CLEC16A: variants seen among roughly 807,000 people sequenced by gnomAD.
CLEC16A encodes the protein protein CLEC16A.
Under a neutral mutation model 109.5 loss-of-function variants are expected in CLEC16A, and 51 were observed. The observed-to-expected ratio is 0.47, with a 90% confidence interval of 0.37 to 0.59. The LOEUF is 0.59. Ranked by LOEUF, CLEC16A falls within the 20% of genes least tolerant of loss-of-function variation. The pLI, the probability that CLEC16A is intolerant of heterozygous loss-of-function variation, is 0.00. For missense variants in CLEC16A, 1,339 were observed against 1,394.0 expected, an observed-to-expected ratio of 0.96 and a Z score of 0.63; for synonymous variants, 673 against 564.2, an observed-to-expected ratio of 1.19 and a Z score of -2.73.
intron 2 of CLEC16A, among the ~76,000 whole-genome samples, chr16:10,960,722 A>G (rs1369202216): frequency 6.6e-6 from 1 of 152,226 alleles, no homozygotes; most frequent in Non-Finnish European, 1.5e-5. Context: ...ATTCTTCTGC[A>G]TGGAAGATTC....
chr16:11,026,567 G>T (rs1226107536), intron 13 of CLEC16A, among the ~76,000 whole-genome samples: 1 of 150,334 alleles, frequency 6.7e-6, no homozygotes, highest in African/African-American at 2.5e-5. Context: ...TTGGCTAGAG[G>T]ATTATTAATT....
chr16:11,145,442 C>T (rs1005334073), intron 22 of CLEC16A, among the ~76,000 whole-genome samples: 10 of 152,270 alleles, frequency 6.6e-5, no homozygotes, highest in African/African-American at 2.4e-4. Context: ...TCCAGTCCCT[C>T]CCCAAGCCTG....
intron 22 of CLEC16A, among the ~76,000 whole-genome samples, chr16:11,141,518 G>C (rs1207582073): frequency 6.6e-6 from 1 of 152,250 alleles, no homozygotes; most frequent in Non-Finnish European, 1.5e-5. Flanking sequence ...GGGGGATCTG[G>C]AGGGGTGCAA....
chr16:11,063,052 T>C (rs978469635), intron 19 of CLEC16A, among the ~76,000 whole-genome samples: 1 of 152,202 alleles, frequency 6.6e-6, no homozygotes, highest in South Asian at 2.1e-4. Flanking sequence ...TTTTCACTTA[T>C]CAATTTTAAT....
intron 16 of CLEC16A, among the ~76,000 whole-genome samples, chr16:11,045,334 G>A (rs1246636423): frequency 6.6e-6 from 1 of 152,108 alleles, no homozygotes; most frequent in Non-Finnish European, 1.5e-5. Flanking sequence ...GGTGATAGGT[G>A]AGACTCCATC....
At chr16:11,114,861 T>G (rs949349833) in intron 19 of CLEC16A, among the ~76,000 whole-genome samples, 1 of 152,334 alleles carries the variant, frequency 6.6e-6, no homozygotes, top group African/African-American at 2.4e-5. Context: ...TCATTTCTCC[T>G]TAACTGCCCC....
chr16:11,125,562 A>G (rs8064154), intron 21 of CLEC16A, among the ~76,000 whole-genome samples: 54,193 of 152,134 alleles, frequency 0.36, 9,771 homozygotes, highest in South Asian at 0.45. Flanking sequence ...GCTCCTGCAC[A>G]TGTGCGGATA....
At chr16:11,061,330 A>G (rs941287834) in intron 19 of CLEC16A, among the ~76,000 whole-genome samples, 1 of 152,232 alleles carries the variant, frequency 6.6e-6, no homozygotes, top group African/African-American at 2.4e-5. Flanking sequence ...CCCTATAAAC[A>G]TAGTGGCATC....
At chr16:11,107,041 T>C (rs188955739) in intron 19 of CLEC16A, among the ~76,000 whole-genome samples, 28 of 152,270 alleles carry the variant, frequency 1.8e-4, no homozygotes, top group Admixed American at 6.5e-4. Context: ...TTACTCTTGG[T>C]GGTGTGGGCA....
chr16:11,060,898 C>G lies in CLEC16A; in HGVS notation c.1996-4C>G. 6.2e-7 allele frequency: 1 copy of G among 1,606,716 alleles called. No homozygotes were observed. ...CTTCTCTGCTCTCTGAACTGTTGGT[C>G]CAGGCCATCCGGGTGTTCTTCATGC... is the stretch of plus-strand genomic sequence containing the variant. On this transcript the variant is annotated splice_region_variant and splice_polypyrimidine_tract_variant and intron_variant, in intron 18 of 23. Coordinates refer to ENST00000409790, the MANE Select transcript of CLEC16A (RefSeq NM_015226.3).
At chr16:10,992,165 C>T (rs1232135639) in intron 10 of CLEC16A, among the ~76,000 whole-genome samples, 1 of 152,144 alleles carries the variant, frequency 6.6e-6, no homozygotes, top group East Asian at 1.9e-4. Flanking sequence ...AAATACAATA[C>T]CTTACTGTTA....
In CLEC16A at chr16:11,044,091, A is replaced by G. The variant is rs780104248; in HGVS notation, c.1815+19A>G. ...TTATAAGGTAATTGGCAGAGCACAG[A>G]TGGACAGCAGCATGGTGTGTATTGT... On this transcript the variant is annotated intron_variant, in intron 16 of 23. Coordinates refer to ENST00000409790, the MANE Select transcript of CLEC16A (RefSeq NM_015226.3). The G allele has an allele frequency of 6.2e-7, 1 of 1,601,744 alleles. No individual in the cohort carries two copies. Among genetic ancestry groups the G allele is most frequent in the East Asian group, 2.2e-5 (1 of 44,556 alleles).
intron 20 of CLEC16A, 85 bp downstream of exon 20, chr16:11,120,851 G>T: frequency 1.7e-6 from 2 of 1,165,074 alleles, no homozygotes; most frequent in East Asian, 3.0e-5. Flanking sequence ...ACACACAATT[G>T]TCATCTTTAT....
At chr16:10,968,835 A>G (rs528450306) in intron 3 of CLEC16A, among the ~76,000 whole-genome samples, 201 of 152,302 alleles carry the variant, frequency 1.3e-3, no homozygotes, top group African/African-American at 4.6e-3. Context: ...GAAAATGCCC[A>G]CACACCAGCT....
At chr16:10,956,363 C>A (rs1365226067) in intron 1 of CLEC16A, among the ~76,000 whole-genome samples, 1 of 152,162 alleles carries the variant, frequency 6.6e-6, no homozygotes, top group Non-Finnish European at 1.5e-5. Flanking sequence ...TTATGTCTTA[C>A]CCGTTTTTAG....
intron 3 of CLEC16A, among the ~76,000 whole-genome samples, chr16:10,966,260 C>A (rs2042500955): frequency 6.6e-6 from 1 of 152,128 alleles, no homozygotes; most frequent in Non-Finnish European, 1.5e-5. Context: ...ACACAGCAAC[C>A]TGGAAAGCCC....
At chr16:11,126,343 T>C (rs2052818978) in intron 22 of CLEC16A, 197 bp downstream of exon 22, 1 of 1,470,190 alleles carries the variant, frequency 6.8e-7, no homozygotes, top group Non-Finnish European at 9.0e-7. Context: ...GCTTTCCCTT[T>C]AGTGTTTGGT....
Position 11,174,678 on chromosome 16 carries a change from T to C in CLEC16A, c.2807-3657T>C, listed in dbSNP as rs1567421694. Among the ~76,000 whole-genome samples, 1 of 152,270 alleles carries C rather than the reference T, an allele frequency of 6.6e-6. No individual in the cohort carries two copies. Among genetic ancestry groups the C allele is most frequent in the Non-Finnish European group, 1.5e-5 (1 of 68,044 alleles). On this transcript the variant is annotated intron_variant, in intron 23 of 23. Transcript: ENST00000409790. The surrounding 1 kb of genome is among the most constrained non-coding windows in gnomAD (Gnocchi z 4.7). Reference sequence around the variant, plus strand: ...CCATGGGGGTTGGGCGGCAGTTGGCTGGCAAAGTGAGAATTTGTAGAAAGC... The same window carrying C: ...CCATGGGGGTTGGGCGGCAGTTGGCCGGCAAAGTGAGAATTTGTAGAAAGC...
intron 23 of CLEC16A, among the ~76,000 whole-genome samples, chr16:11,170,437 G>A (rs964490898): frequency 6.6e-6 from 1 of 152,224 alleles, no homozygotes; most frequent in Non-Finnish European, 1.5e-5. Context: ...CCTGCGTCCA[G>A]CTCAGGGGAC....
Sources: allele counts gnomAD v4.1 joint callset (sites outside exome capture counted in the v4.1 genomes callset), GRCh38; gene constraint gnomAD v4.1.1; non-coding constraint Gnocchi (gnomAD v3.1); transcripts MANE v1.5; gene names NCBI Gene and HGNC (gene_info 2026-07-23, HGNC 2026-07-21).